FANCB: variants seen among roughly 807,000 people sequenced by gnomAD.
FANCB encodes FA complementation group B, also known as Fanconi anemia group B protein.
FANCB carries 5 observed loss-of-function variants against 38.9 expected under a neutral mutation model. That is an observed-to-expected ratio of 0.13 (90% CI 0.07 to 0.27). FANCB has a LOEUF of 0.27. Ranked by LOEUF, FANCB falls within the 10% of genes least tolerant of loss-of-function variation. FANCB has a pLI of 1.00. For missense variants in FANCB, 573 were observed against 602.7 expected, an observed-to-expected ratio of 0.95 and a Z score of 0.52; for synonymous variants, 236 against 215.4, an observed-to-expected ratio of 1.10 and a Z score of -0.84.
At chrX:14,766,849 C>A in the FANCB span, among the ~76,000 whole-genome samples, 1 of 110,428 alleles carries the variant, frequency 9.1e-6, no homozygotes, top group Non-Finnish European at 1.9e-5. Context: ...CCCCAACTCC[C>A]CACCCAATCA....
the FANCB span, among the ~76,000 whole-genome samples, chrX:14,743,805 TTCTGGTGATTCGGG>T: frequency 9.0e-6 from 1 of 111,233 alleles, no homozygotes; most frequent in Non-Finnish European, 1.9e-5. Flanking sequence ...TTTTCCTAGC[TTCTGGTGATTCGGG>T]TAATCCTTTG....
intron 6 of FANCB, among the ~76,000 whole-genome samples, chrX:14,852,293 C>T: frequency 9.1e-6 from 1 of 109,683 alleles, no homozygotes; most frequent in Non-Finnish European, 1.9e-5. Flanking sequence ...CTCAACCTCC[C>T]AAGTAGCTGG....
At chrX:14,789,781 C>T in the FANCB span, among the ~76,000 whole-genome samples, 1 of 111,720 alleles carries the variant, frequency 9.0e-6, no homozygotes, top group Non-Finnish European at 1.9e-5. Context: ...TCATGCTAAT[C>T]AGAGGTAACA....
chrX:14,741,810 C>T, the FANCB span, among the ~76,000 whole-genome samples: 51,287 of 110,282 alleles, frequency 0.47, 9,208 homozygotes, highest in Non-Finnish European at 0.57. Context: ...ATTTAAGGAG[C>T]GAGGTATTTA....
At chrX:14,711,936 T>C in the FANCB span, among the ~76,000 whole-genome samples, 1 of 112,685 alleles carries the variant, frequency 8.9e-6, no homozygotes, top group Admixed American at 9.4e-5. Flanking sequence ...CTACTATGAG[T>C]GAGTTTCTGT....
At chrX:14,690,465 T>C in the FANCB span, among the ~76,000 whole-genome samples, 1 of 111,930 alleles carries the variant, frequency 8.9e-6, no homozygotes, top group Admixed American at 9.5e-5. Flanking sequence ...TCATTGGAGC[T>C]GGTCTCAGGA....
At chrX:14,807,338 A>G in the FANCB span, among the ~76,000 whole-genome samples, 1 of 112,410 alleles carries the variant, frequency 8.9e-6, no homozygotes, top group Non-Finnish European at 1.9e-5. Flanking sequence ...TTTCTCTTGG[A>G]CTTCTATGCT....
chrX:14,723,269 T>G, the FANCB span, among the ~76,000 whole-genome samples: 1 of 112,297 alleles, frequency 8.9e-6, no homozygotes. Context: ...ATCCATCTAG[T>G]GGTTTAAGCT....
the FANCB span, among the ~76,000 whole-genome samples, chrX:14,714,522 A>G: frequency 8.9e-6 from 1 of 111,869 alleles, no homozygotes; most frequent in Non-Finnish European, 1.9e-5. Context: ...TCAACTCCCT[A>G]TGCCGCCACC....
chrX:14,721,046 G>A, the FANCB span, among the ~76,000 whole-genome samples: 1 of 107,775 alleles, frequency 9.3e-6, no homozygotes, highest in African/African-American at 3.4e-5. Flanking sequence ...CTTGAGTCTG[G>A]GTAGTCGAGG....
At chrX:14,741,926 A>G in the FANCB span, among the ~76,000 whole-genome samples, 1 of 111,612 alleles carries the variant, frequency 9.0e-6, no homozygotes, top group Non-Finnish European at 1.9e-5. Flanking sequence ...TTCTTTGGAC[A>G]GAAATTATTT....
intron 10 of FANCB, among the ~76,000 whole-genome samples, chrX:14,837,138 A>C (rs1486778649): frequency 1.8e-5 from 2 of 112,512 alleles, no homozygotes; most frequent in Non-Finnish European, 3.8e-5. Context: ...ATTTGGAATG[A>C]TTAGATCAGG....
At chrX:14,857,729 A>G (rs972473547) in intron 5 of FANCB, 133 bp downstream of exon 5, 35 of 526,174 alleles carry the variant, frequency 6.7e-5, no homozygotes, top group African/African-American at 3.5e-4. Flanking sequence ...TGCCAAAAAG[A>G]TAAAGATCCT....
the FANCB span, among the ~76,000 whole-genome samples, chrX:14,748,084 T>C: frequency 8.9e-6 from 1 of 111,748 alleles, no homozygotes; most frequent in African/African-American, 3.3e-5. Flanking sequence ...ATAACTAGAA[T>C]GCAGCAAGTG....
At chrX:14,730,786 T>A in the FANCB span, 1 of 256,185 alleles carries the variant, frequency 3.9e-6, no homozygotes, top group Non-Finnish European at 7.0e-6. Context: ...GATATGCGCA[T>A]CATTCAGACA....
the FANCB span, among the ~76,000 whole-genome samples, chrX:14,712,332 C>G: frequency 8.9e-6 from 1 of 111,810 alleles, no homozygotes; most frequent in African/African-American, 3.3e-5. Context: ...CAAAATGTCT[C>G]CAGACATTGC....
chrX:14,770,723 T>C, the FANCB span, among the ~76,000 whole-genome samples: 1 of 112,337 alleles, frequency 8.9e-6, no homozygotes, highest in East Asian at 2.8e-4. Flanking sequence ...GATAGATTCA[T>C]AGTGTCACTG....
At chrX:14,831,704 G>A (rs1406101215), downstream of FANCB, among the ~76,000 whole-genome samples, 3 of 111,724 alleles carry the variant, frequency 2.7e-5, no homozygotes, top group Non-Finnish European at 5.6e-5. Context: ...GTCATTGAAT[G>A]AACACTGAAA....
the FANCB span, among the ~76,000 whole-genome samples, chrX:14,711,321 G>T: frequency 8.9e-6 from 1 of 112,123 alleles, no homozygotes; most frequent in Non-Finnish European, 1.9e-5. Context: ...CAGTGACCCA[G>T]GGACAACTGT....
Sources: gnomAD v4.1 joint callset for allele counts (sites outside exome capture counted in the v4.1 genomes callset) on GRCh38, gnomAD v4.1.1 for gene constraint, MANE v1.5 for transcripts, NCBI Gene and HGNC (gene_info 2026-07-23, HGNC 2026-07-21) for gene names.